OR4X2: variants seen among roughly 807,000 people sequenced by gnomAD.
The protein encoded by OR4X2 is olfactory receptor family 4 subfamily X member 2.
For missense variants in OR4X2, 554 were observed against 359.5 expected (o/e 1.54, Z -4.38); for synonymous variants, 205 against 136.6 (o/e 1.50, Z -3.49).
rs200989590 is a variant in OR4X2, at chr11:48,245,740, A to G, written c.637A>G (p.Ile213Val). 3,414 of 1,614,050 alleles carry G rather than the reference A, an allele frequency of 2.1e-3. 75 individuals are homozygous for G. The South Asian group carries it at 0.036, about 17-fold the overall frequency. ...FGVLLASYMV[I>V]LLHLRTWSSE... is the part of the protein sequence containing the mutation. ...GGTCCTCTTAGCATCCTATATGGTC[A>G]TCTTGCTCCATCTGAGAACCTGGAG... is the stretch of plus-strand genomic sequence containing the variant. The change falls in exon 1 of 1, where the codon ATC (isoleucine) becomes GTC (valine). Residue 213 changes from isoleucine to valine, a missense_variant. Physicochemically the swap from Ile to Val is conservative, Grantham distance 29 (BLOSUM62 3). Coordinates refer to ENST00000624868, the MANE Select transcript of OR4X2 (RefSeq NM_001004727.1).
In OR4X2 at chr11:48,245,397, C is replaced by T. The variant is rs1201622260; in HGVS notation, c.294C>T (p.Phe98=). The change falls in exon 1 of 1, where the codon TTC becomes TTT. Residue 98 remains phenylalanine, a synonymous_variant. Coordinates refer to ENST00000624868, the MANE Select transcript of OR4X2 (RefSeq NM_001004727.1). ...TGGCACAGCTTTTCTTCTTGCACTT[C>T]TTTGGTGGCACTGAGATTTTCCTGC... The part of the protein sequence containing the change: ...GCMAQLFFLH[F]FGGTEIFLLT... The T allele has an allele frequency of 6.2e-7, 1 of 1,614,174 alleles. No individual in the cohort carries two copies. The highest frequency in any genetic ancestry group is 1.3e-5 in the African/African-American group (1 of 75,066).
Position 48,245,213 on chromosome 11 carries a change from T to C in OR4X2, c.110T>C (p.Ile37Thr), listed in dbSNP as rs775320948. The C allele has an allele frequency of 3.7e-6, 6 of 1,614,192 alleles. No homozygotes were observed. Among genetic ancestry groups the C allele is most frequent in the South Asian group, 2.2e-5 (2 of 91,078 alleles). Reference protein sequence around the residue: ...YTAIVLGNFLIVLTVMTSRSL... With the variant: ...YTAIVLGNFLTVLTVMTSRSL... Reference sequence around the variant, plus strand: ...GCAATTGTGCTGGGGAATTTCCTCATTGTGCTCACTGTCATGACCAGCAGA... The same window carrying C: ...GCAATTGTGCTGGGGAATTTCCTCACTGTGCTCACTGTCATGACCAGCAGA... The change falls in exon 1 of 1, where the codon ATT (isoleucine) becomes ACT (threonine). Residue 37 changes from isoleucine (I) to threonine (T), a missense_variant. Physicochemically the swap from Ile to Thr is moderately conservative, Grantham distance 89. Transcript: ENST00000624868.
Position 48,245,962 on chromosome 11 carries a change from AG to A in OR4X2, c.861del (p.Lys288ArgfsTer3), listed in dbSNP as rs1458285573. The A allele has an allele frequency of 6.2e-7, 1 of 1,614,112 alleles. No homozygotes were observed. Among genetic ancestry groups the A allele is most frequent in the Non-Finnish European group, 8.5e-7 (1 of 1,179,986 alleles). On this transcript the variant is annotated frameshift_variant, in exon 1 of 1. Transcript: ENST00000624868. LOFTEE classifies it low-confidence loss of function (END_TRUNC). Reference protein sequence around the residue: ...VIYSLRNAEMRKAMKRLWIRT... With the variant: ...VIYSLRNAEMXKAMKRLWIRT... ...CTACTCTCTGAGAAATGCTGAAATG[AG>A]GAAGGCCATGAAGAGGCTGTGGATT...
rs1859061506 is a variant in OR4X2, at chr11:48,245,675, T to C, written c.572T>C (p.Ile191Thr). ...GACACCTTCCTCATTGGTCTGCTGA[T>C]TGTTGCCAATGGAGGCACCCTGTCT... ...CSDTFLIGLL[I>T]VANGGTLSVI... The change falls in exon 1 of 1, where the codon ATT (isoleucine) becomes ACT (threonine). Residue 191 changes from isoleucine to threonine, a missense_variant. Coordinates refer to ENST00000624868, the MANE Select transcript of OR4X2 (RefSeq NM_001004727.1). 3 of 1,614,138 alleles carry C rather than the reference T, an allele frequency of 1.9e-6. No homozygotes were observed. Among genetic ancestry groups the C allele is most frequent in the Non-Finnish European group, 2.5e-6 (3 of 1,179,962 alleles).
In OR4X2 at chr11:48,245,595, T is replaced by C; in HGVS notation, c.492T>C (p.Asn164=). Residue 164 remains asparagine, a synonymous_variant, in exon 1 of 1, where the codon AAT becomes AAC. Coordinates refer to ENST00000624868, the MANE Select transcript of OR4X2 (RefSeq NM_001004727.1). ...LIFHLLFCGP[N]VINHYFCDLV... ...TCCACCTGCTCTTCTGTGGCCCCAA[T>C]GTGATCAATCACTATTTCTGTGACC... 1 of 1,614,192 alleles carries C rather than the reference T, an allele frequency of 6.2e-7. No homozygotes were observed. The highest frequency in any genetic ancestry group is 8.5e-7 in the Non-Finnish European group (1 of 1,180,020).
chr11:48,245,767 T>C lies in OR4X2; in HGVS notation c.664T>C (p.Ser222Pro), dbSNP rs758781592. Residue 222 changes from serine to proline, a missense_variant, in exon 1 of 1, where the codon TCT becomes CCT. By Grantham distance (74) the Ser-to-Pro change is moderately conservative. Transcript: ENST00000624868. Reference protein sequence around the residue: ...VILLHLRTWSSEGWCKALSTC... With the variant: ...VILLHLRTWSPEGWCKALSTC... ...CTTGCTCCATCTGAGAACCTGGAGCTCTGAAGGGTGGTGCAAAGCCCTCTC... is the reference window on the plus strand; with the variant it reads ...CTTGCTCCATCTGAGAACCTGGAGCCCTGAAGGGTGGTGCAAAGCCCTCTC... The C allele has an allele frequency of 6.8e-6, 11 of 1,614,000 alleles. No individual in the cohort carries two copies. In the East Asian group the frequency reaches 2.5e-4, roughly 36 times the overall value.
rs1488720299 is a variant in OR4X2, at chr11:48,245,571, C to T, written c.468C>T (p.Phe156=). Residue 156 remains phenylalanine, a synonymous_variant, in exon 1 of 1, where the codon TTC becomes TTT. Transcript: ENST00000624868. ...MHSFAQILLI[F]HLLFCGPNVI... ...CCTTTGCACAAATCCTTCTCATCTT[C>T]CACCTGCTCTTCTGTGGCCCCAATG... is the stretch of plus-strand genomic sequence containing the variant. 30 of 1,614,040 alleles carry T rather than the reference C, an allele frequency of 1.9e-5. No homozygotes were observed. The highest frequency in any genetic ancestry group is 2.5e-5 in the Non-Finnish European group (30 of 1,180,020).
In OR4X2 at chr11:48,245,416, T is replaced by A; in HGVS notation, c.313T>A (p.Phe105Ile). ...FLHFFGGTEI[F>I]LLTVMAYDHY... The stretch of plus-strand genomic sequence containing the variant: ...GCACTTCTTTGGTGGCACTGAGATT[T>A]TCCTGCTCACTGTGATGGCCTATGA... Residue 105 changes from phenylalanine to isoleucine, a missense_variant, in exon 1 of 1, where the codon TTC (phenylalanine) becomes ATC (isoleucine). Transcript: ENST00000624868. The A allele has an allele frequency of 6.2e-7, 1 of 1,614,158 alleles. No homozygotes were observed. The highest frequency in any genetic ancestry group is 8.5e-7 in the Non-Finnish European group (1 of 1,180,014).
Position 48,245,729 on chromosome 11 carries a change from C to A in OR4X2, c.626C>A (p.Ser209Tyr), listed in dbSNP as rs1396336261. The A allele has an allele frequency of 1.9e-6, 3 of 1,614,084 alleles. No homozygotes were observed. Among genetic ancestry groups the A allele is most frequent in the Non-Finnish European group, 2.5e-6 (3 of 1,180,002 alleles). Residue 209 changes from serine to tyrosine, a missense_variant, in exon 1 of 1, where the codon TCC (serine) becomes TAC (tyrosine). Physicochemically the swap from Ser to Tyr is moderately radical, Grantham distance 144. Coordinates refer to ENST00000624868, the MANE Select transcript of OR4X2 (RefSeq NM_001004727.1). ...SVISFGVLLASYMVILLHLRT... is the reference protein window; with the variant it reads ...SVISFGVLLAYYMVILLHLRT... ...ATCAGTTTTGGGGTCCTCTTAGCAT[C>A]CTATATGGTCATCTTGCTCCATCTG...
Position 48,245,616 on chromosome 11 carries a change from T to C in OR4X2, c.513T>C (p.Cys171=). 1 of 1,614,194 alleles carries C rather than the reference T, an allele frequency of 6.2e-7. No individual in the cohort carries two copies. Among genetic ancestry groups the C allele is most frequent in the Non-Finnish European group, 8.5e-7 (1 of 1,180,036 alleles). Residue 171 remains cysteine (C), a synonymous_variant, in exon 1 of 1, where the codon TGT becomes TGC. Coordinates refer to ENST00000624868, the MANE Select transcript of OR4X2 (RefSeq NM_001004727.1). ...CGPNVINHYF[C]DLVPLLKLAC... is the part of the protein sequence containing the mutation. The stretch of plus-strand genomic sequence containing the variant: ...CCAATGTGATCAATCACTATTTCTG[T>C]GACCTAGTTCCCCTTCTCAAACTTG...
Position 48,245,862 on chromosome 11 carries a change from T to TTCTACCCTCAG in OR4X2, c.765_766insCTCAGTCTACC (p.Thr256LeufsTer8), listed in dbSNP as rs1859066819. 1 of 1,614,002 alleles carries TTCTACCCTCAG rather than the reference T, an allele frequency of 6.2e-7. No homozygotes were observed. Among genetic ancestry groups the TTCTACCCTCAG allele is most frequent in the Non-Finnish European group, 8.5e-7 (1 of 1,180,012 alleles). ...CCTGCGTCTTCAACTCTCTGAGGCC[T>TTCTACCCTCAG]TCTACCACTCTGCCCATAGACAAGA... On this transcript the variant is annotated frameshift_variant, in exon 1 of 1. Transcript: ENST00000624868. LOFTEE classifies it low-confidence loss of function (END_TRUNC).
At position 48,245,781 on chromosome 11, in the gene OR4X2, C is replaced by T. The variant is rs1259183584; in HGVS notation, c.678C>T (p.Cys226=). The change falls in exon 1 of 1, where the codon TGC becomes TGT. Residue 226 remains cysteine, a synonymous_variant. Coordinates refer to ENST00000624868, the MANE Select transcript of OR4X2 (RefSeq NM_001004727.1). Reference sequence around the variant, plus strand: ...GAACCTGGAGCTCTGAAGGGTGGTGCAAAGCCCTCTCCACCTGTGGGTCCC... The same window carrying T: ...GAACCTGGAGCTCTGAAGGGTGGTGTAAAGCCCTCTCCACCTGTGGGTCCC... ...HLRTWSSEGW[C]KALSTCGSHF... is the part of the protein sequence containing the mutation. The T allele has an allele frequency of 6.2e-7, 1 of 1,613,966 alleles. No homozygotes were observed. The highest frequency in any genetic ancestry group is 8.5e-7 in the Non-Finnish European group (1 of 1,180,016).
rs755342729 is a variant in OR4X2, at chr11:48,245,910, G to T, written c.807G>T (p.Val269=). Residue 269 remains valine (V), a synonymous_variant, in exon 1 of 1, where the codon GTG becomes GTT. Transcript: ENST00000624868. The part of the protein sequence containing the change: ...IDKMVAVFYT[V]ITAILNPVIY... ...AGATGGTGGCTGTGTTCTACACAGT[G>T]ATAACCGCGATCCTGAACCCTGTCA... is the stretch of plus-strand genomic sequence containing the variant. The T allele has an allele frequency of 1.5e-5, 24 of 1,613,890 alleles. No individual in the cohort carries two copies. Among genetic ancestry groups the T allele is most frequent in the Non-Finnish European group, 1.9e-5 (23 of 1,179,938 alleles).
Position 48,245,643 on chromosome 11 carries a change from C to T in OR4X2, c.540C>T (p.Ala180=). 9 of 1,614,142 alleles carry T rather than the reference C, an allele frequency of 5.6e-6. No homozygotes were observed. The highest frequency in any genetic ancestry group is 7.6e-6 in the Non-Finnish European group (9 of 1,180,026). Residue 180 remains alanine (A), a synonymous_variant, in exon 1 of 1, where the codon GCC becomes GCT. Transcript: ENST00000624868. ...FCDLVPLLKL[A]CSDTFLIGLL... ...ACCTAGTTCCCCTTCTCAAACTTGC[C>T]TGCTCTGACACCTTCCTCATTGGTC...
At position 48,245,658 on chromosome 11, in the gene OR4X2, C is replaced by T; in HGVS notation, c.555C>T (p.Phe185=). 6.2e-7 allele frequency: 1 copy of T among 1,614,180 alleles called. No individual in the cohort carries two copies. Among genetic ancestry groups the T allele is most frequent in the Non-Finnish European group, 8.5e-7 (1 of 1,180,012 alleles). Residue 185 remains phenylalanine (F), a synonymous_variant, in exon 1 of 1, where the codon TTC becomes TTT. Transcript: ENST00000624868. ...TCAAACTTGCCTGCTCTGACACCTTCCTCATTGGTCTGCTGATTGTTGCCA... is the reference window on the plus strand; with the variant it reads ...TCAAACTTGCCTGCTCTGACACCTTTCTCATTGGTCTGCTGATTGTTGCCA... ...PLLKLACSDT[F]LIGLLIVANG...
rs530057915 is a variant in OR4X2 at position 48,245,505 on chromosome 11, T to A, written c.402T>A (p.Thr134=). Residue 134 remains threonine, a synonymous_variant, in exon 1 of 1, where the codon ACT becomes ACA. Transcript: ENST00000624868. The stretch of plus-strand genomic sequence containing the variant: ...CCATCATGAACTGGCAGGTGTGTAC[T>A]GTCCTTGTAGGAATAGCATGGGTGG... ...YTTIMNWQVC[T]VLVGIAWVGG... 7.2e-5 allele frequency: 116 copies of A among 1,614,202 alleles called. 2 individuals are homozygous for A. In the South Asian group the frequency reaches 1.2e-3, roughly 17 times the overall value.
rs376011625 is a variant in OR4X2, at chr11:48,245,428, G to A, written c.325G>A (p.Val109Met). 1.2e-5 allele frequency: 19 copies of A among 1,614,022 alleles called. No individual in the cohort carries two copies. Among genetic ancestry groups the A allele is most frequent in the African/African-American group, 4.0e-5 (3 of 74,916 alleles). ...FGGTEIFLLT[V>M]MAYDHYVAIC... ...TGGCACTGAGATTTTCCTGCTCACT[G>A]TGATGGCCTATGACCACTATGTGGC... The change falls in exon 1 of 1, where the codon GTG becomes ATG. Residue 109 changes from valine (V) to methionine (M), a missense_variant. Physicochemically the swap from Val to Met is conservative, Grantham distance 21. Coordinates refer to ENST00000624868, the MANE Select transcript of OR4X2 (RefSeq NM_001004727.1).
rs142556849 is a variant in OR4X2 at position 48,245,314 on chromosome 11, C to G, written c.211C>G (p.Pro71Ala). 6.2e-6 allele frequency: 10 copies of G among 1,614,006 alleles called. 1 individual carries two copies. The highest frequency in any genetic ancestry group is 8.5e-6 in the Non-Finnish European group (10 of 1,180,030). ...MEICYSSATAPKLISDLLAER... is the reference protein window; with the variant it reads ...MEICYSSATAAKLISDLLAER... ...GATCTGCTACTCCTCCGCTACAGCC[C>G]CCAAACTCATCTCAGATCTGCTGGC... Residue 71 changes from proline (P) to alanine (A), a missense_variant, in exon 1 of 1, where the codon CCC (proline) becomes GCC (alanine). Physicochemically the swap from Pro to Ala is conservative, Grantham distance 27. Coordinates refer to ENST00000624868, the MANE Select transcript of OR4X2 (RefSeq NM_001004727.1).
rs1192406800 is a variant in OR4X2 at position 48,245,276 on chromosome 11, T to A, written c.173T>A (p.Leu58His). Reference protein sequence around the residue: ...GSPMYFFLSYLSFMEICYSSA... With the variant: ...GSPMYFFLSYHSFMEICYSSA... ...CCCATGTACTTCTTCCTCAGCTACCTCTCCTTCATGGAGATCTGCTACTCC... is the reference window on the plus strand; with the variant it reads ...CCCATGTACTTCTTCCTCAGCTACCACTCCTTCATGGAGATCTGCTACTCC... The change falls in exon 1 of 1, where the codon CTC becomes CAC. Residue 58 changes from leucine (L) to histidine (H), a missense_variant. Coordinates refer to ENST00000624868, the MANE Select transcript of OR4X2 (RefSeq NM_001004727.1). 1.2e-6 allele frequency: 2 copies of A among 1,613,966 alleles called. No individual in the cohort carries two copies. The highest frequency in any genetic ancestry group is 1.7e-6 in the Non-Finnish European group (2 of 1,180,022).
Sources: gnomAD v4.1 joint callset for allele counts on GRCh38, gnomAD v4.1.1 for gene constraint, MANE v1.5 for transcripts, NCBI Gene and HGNC (gene_info 2026-07-23, HGNC 2026-07-21) for gene names.